Variants in SHISA9 observed in about 807,000 individuals in gnomAD.
SHISA9 encodes protein shisa-9.
A neutral mutation model predicts 38.0 loss-of-function variants in SHISA9; 13 were observed. The ratio of observed to expected loss-of-function variants is 0.34; its 90% CI spans 0.22 to 0.54. The LOEUF is 0.54. Among genes scored for constraint, SHISA9 ranks in the 20% least tolerant of loss-of-function variants. SHISA9 has a pLI of 0.91. For missense variants in SHISA9, 538 were observed against 575.8 expected (o/e 0.93, Z 0.67); for synonymous variants, 275 against 242.0 (o/e 1.14, Z -1.27).
intron 2 of SHISA9, among the ~76,000 whole-genome samples, chr16:12,996,540 T>C (rs1450960664): frequency 1.3e-5 from 2 of 152,188 alleles, no homozygotes; most frequent in African/African-American, 4.8e-5. Context: ...GGTGACTACA[T>C]TGCACATCTC....
At chr16:13,264,223 G>A in the SHISA9 span, among the ~76,000 whole-genome samples, 1 of 144,262 alleles carries the variant, frequency 6.9e-6, no homozygotes, top group African/African-American at 2.5e-5. Flanking sequence ...TGTCCAGGTT[G>A]GAGTTCAGTG....
chr16:13,436,646 T>C, the SHISA9 span, among the ~76,000 whole-genome samples: 1 of 152,248 alleles, frequency 6.6e-6, no homozygotes, highest in African/African-American at 2.4e-5. Flanking sequence ...CCCTGGATTC[T>C]TTCTTGCATG....
At chr16:13,083,373 A>C (rs985918698) in intron 2 of SHISA9, among the ~76,000 whole-genome samples, 2 of 152,196 alleles carry the variant, frequency 1.3e-5, no homozygotes, top group African/African-American at 4.8e-5. Flanking sequence ...GAGATGATGT[A>C]TGCAAAACAA....
the SHISA9 span, among the ~76,000 whole-genome samples, chr16:13,520,026 T>G: frequency 1.3e-5 from 2 of 151,984 alleles, no homozygotes; most frequent in Non-Finnish European, 2.9e-5. Context: ...CCTATCCAGA[T>G]GGAAGAAGGC....
intron 2 of SHISA9, among the ~76,000 whole-genome samples, chr16:12,927,920 A>G (rs2071413807): frequency 6.6e-6 from 1 of 152,198 alleles, no homozygotes; most frequent in Non-Finnish European, 1.5e-5. Context: ...GGTTTCAAAG[A>G]TGATTAAAAG....
intron 2 of SHISA9, among the ~76,000 whole-genome samples, chr16:12,997,035 A>G (rs1052645714): frequency 1.3e-5 from 2 of 152,152 alleles, no homozygotes; most frequent in African/African-American, 4.8e-5. Context: ...ATATAAATCA[A>G]TAAGTTTTGA....
chr16:13,320,166 C>T, the SHISA9 span, among the ~76,000 whole-genome samples: 3 of 151,826 alleles, frequency 2.0e-5, no homozygotes, highest in Admixed American at 6.6e-5. Flanking sequence ...TGGCATGCAC[C>T]TGTAGTCCCA....
chr16:13,146,785 G>A (rs754127991), intron 2 of SHISA9, among the ~76,000 whole-genome samples: 3 of 152,156 alleles, frequency 2.0e-5, no homozygotes, highest in Non-Finnish European at 2.9e-5. Context: ...GCTCTTAGGT[G>A]TATTAACAGG....
At chr16:13,206,877 G>A (rs1016052584) in intron 3 of SHISA9, among the ~76,000 whole-genome samples, 15 of 152,224 alleles carry the variant, frequency 9.9e-5, no homozygotes, top group South Asian at 2.1e-4. Flanking sequence ...TACTAGGAAG[G>A]GATGAGGGCT....
the SHISA9 span, among the ~76,000 whole-genome samples, chr16:13,377,465 A>G: frequency 5.3e-5 from 8 of 152,292 alleles, no homozygotes; most frequent in South Asian, 2.1e-4. Context: ...GATTGTCCCA[A>G]TATGCCTCTG....
chr16:13,401,447 T>C, the SHISA9 span, among the ~76,000 whole-genome samples: 11 of 152,338 alleles, frequency 7.2e-5, no homozygotes, highest in East Asian at 1.2e-3. Context: ...TGCTATGGGC[T>C]AAATGTCTGT....
chr16:13,509,452 A>G, the SHISA9 span, among the ~76,000 whole-genome samples: 1 of 152,266 alleles, frequency 6.6e-6, no homozygotes, highest in Non-Finnish European at 1.5e-5. Context: ...CACAATTCTC[A>G]GTAGGAATGG....
intron 2 of SHISA9, among the ~76,000 whole-genome samples, chr16:13,080,434 C>G (rs1316576439): frequency 1.3e-5 from 2 of 152,108 alleles, no homozygotes; most frequent in Non-Finnish European, 2.9e-5. Flanking sequence ...TTTATCTTAG[C>G]CTAGTTTCAT....
At chr16:13,147,014 G>GTGAATGAA (rs71147785) in intron 2 of SHISA9, among the ~76,000 whole-genome samples, 6 of 152,206 alleles carry the variant, frequency 3.9e-5, no homozygotes, top group South Asian at 2.1e-4. Context: ...GGATGAATGA[G>GTGAATGAA]TGAATGAATG....
chr16:13,328,718 C>A, the SHISA9 span, among the ~76,000 whole-genome samples: 1 of 152,136 alleles, frequency 6.6e-6, no homozygotes, highest in African/African-American at 2.4e-5. Context: ...GGCGATCCAC[C>A]CGCCTCAGCT....
the SHISA9 span, among the ~76,000 whole-genome samples, chr16:13,272,682 A>T: frequency 6.6e-6 from 1 of 152,180 alleles, no homozygotes; most frequent in South Asian, 2.1e-4. Flanking sequence ...AGAACAGCTG[A>T]TACCAGTTAT....
chr16:13,284,920 T>G, the SHISA9 span, among the ~76,000 whole-genome samples: 21 of 152,274 alleles, frequency 1.4e-4, 2 homozygotes, highest in Admixed American at 1.0e-3. Context: ...CTTTGGAACA[T>G]TTGCTAAACA....
chr16:13,341,199 AG>A, the SHISA9 span, among the ~76,000 whole-genome samples: 1 of 152,238 alleles, frequency 6.6e-6, no homozygotes, highest in Non-Finnish European at 1.5e-5. Flanking sequence ...AAGAAGAATC[AG>A]GGATGTGTAG....
intron 2 of SHISA9, among the ~76,000 whole-genome samples, chr16:13,152,459 G>A (rs949025177): frequency 1.6e-4 from 25 of 152,182 alleles, no homozygotes; most frequent in African/African-American, 5.1e-4. Context: ...GATATTAATA[G>A]CTCACAGAAT....
Sources: allele counts gnomAD v4.1 joint callset (sites outside exome capture counted in the v4.1 genomes callset), GRCh38; gene constraint gnomAD v4.1.1; transcripts MANE v1.5; gene names NCBI Gene and HGNC (gene_info 2026-07-23, HGNC 2026-07-21).